Variants in CCDC39 observed in about 807,000 individuals in gnomAD.
CCDC39 encodes coiled-coil domain-containing protein 39.
Under a neutral mutation model 121.0 loss-of-function variants are expected in CCDC39, and 113 were observed. The ratio of observed to expected loss-of-function variants is 0.93; its 90% CI spans 0.80 to 1.09. The LOEUF (loss-of-function observed/expected upper bound fraction) is 1.09, where lower values mean the gene tolerates loss of function less well. Among genes scored for constraint, CCDC39 ranks in the 50% least tolerant of loss-of-function variants. The pLI is 0.00. For synonymous variants in CCDC39, 349 were observed against 352.2 expected, an observed-to-expected ratio of 0.99 and a Z score of 0.10; for missense variants, 1,063 against 1,074.7, an observed-to-expected ratio of 0.99 and a Z score of 0.15.
chr3:180,659,883 TAA>T, intron 4 of CCDC39, 114 bp from the exon 5 acceptor site: 1 of 588,796 alleles, frequency 1.7e-6, no homozygotes, highest in Non-Finnish European at 2.7e-6. Flanking sequence ...ATTTTATATC[TAA>T]AACTGTGAAA....
At chr3:180,616,765 G>C in intron 17 of CCDC39, 61 bp downstream of exon 17, 1 of 1,577,128 alleles carries the variant, frequency 6.3e-7, no homozygotes, top group Non-Finnish European at 8.7e-7. Flanking sequence ...AATAGATGAA[G>C]GAGGATTTGG....
Position 180,661,921 on chromosome 3 carries a change from A to G in CCDC39, c.297T>C (p.Asp99=), listed in dbSNP as rs763798585. ...IAQRELGRVK[D]EIQRLENEMA... The stretch of plus-strand genomic sequence containing the variant: ...TCTCATTTTCCAGCCGTTGAATTTC[A>G]TCTTTCACTCGTCCCAATTCTCTTT... Residue 99 remains aspartate (D), a synonymous_variant, in exon 3 of 20, where the codon GAT becomes GAC. Coordinates refer to ENST00000476379, the MANE Select transcript of CCDC39 (RefSeq NM_181426.2). The G allele has an allele frequency of 1.6e-5, 26 of 1,584,624 alleles. No homozygotes were observed. The African/African-American group carries it at 3.1e-4, about 19-fold the overall frequency.
chr3:180,649,437 C>G (rs1718146707), intron 9 of CCDC39, among the ~76,000 whole-genome samples: 1 of 152,200 alleles, frequency 6.6e-6, no homozygotes, highest in African/African-American at 2.4e-5. Flanking sequence ...TAGCAACCAA[C>G]AAACCTGAAT....
chr3:180,621,068 A>T (rs1052999464), intron 14 of CCDC39, among the ~76,000 whole-genome samples: 8 of 152,022 alleles, frequency 5.3e-5, no homozygotes, highest in African/African-American at 1.9e-4. Flanking sequence ...GCCTCCAGTT[A>T]TATCTTGTTG....
chr3:180,677,111 G>A (rs1239130990), intron 1 of CCDC39, among the ~76,000 whole-genome samples: 1 of 134,758 alleles, frequency 7.4e-6, no homozygotes, highest in Non-Finnish European at 1.6e-5. Flanking sequence ...AAACCTGCAC[G>A]TTGTGCACAT....
At chr3:180,649,876 C>T (rs915253237) in intron 9 of CCDC39, among the ~76,000 whole-genome samples, 3 of 152,146 alleles carry the variant, frequency 2.0e-5, no homozygotes, top group Non-Finnish European at 2.9e-5. Flanking sequence ...TCATCTGTTA[C>T]AGGGAATTAT....
intron 1 of CCDC39, among the ~76,000 whole-genome samples, chr3:180,665,918 G>A (rs1392773073): frequency 1.3e-5 from 2 of 151,922 alleles, no homozygotes; most frequent in African/African-American, 2.4e-5. Context: ...CCTACAAAAT[G>A]TTTGTTTGTA....
intron 10 of CCDC39, 137 bp downstream of exon 10, chr3:180,648,028 A>G (rs1215111382): frequency 3.0e-6 from 2 of 667,924 alleles, no homozygotes; most frequent in Non-Finnish European, 5.0e-6. Flanking sequence ...CTGATCTAAC[A>G]TGATGTCTCA....
At chr3:180,631,351 A>G (rs1444200018) in intron 14 of CCDC39, 118 bp downstream of exon 14, 4 of 953,896 alleles carry the variant, frequency 4.2e-6, no homozygotes, top group African/African-American at 1.6e-5. Context: ...TAGTTGCTAG[A>G]TTTCATGGAG....
intron 11 of CCDC39, among the ~76,000 whole-genome samples, chr3:180,644,957 G>A (rs536673163): frequency 3.3e-5 from 5 of 152,194 alleles, no homozygotes; most frequent in Admixed American, 6.5e-5. Flanking sequence ...GGAGTTCATT[G>A]TTTGATTCTA....
At chr3:180,647,039 T>A in intron 11 of CCDC39, 40 bp downstream of exon 11, 1 of 1,579,810 alleles carries the variant, frequency 6.3e-7, no homozygotes, top group South Asian at 1.2e-5. Context: ...ACAGAATGAC[T>A]AGGATATTTG....
intron 13 of CCDC39, among the ~76,000 whole-genome samples, chr3:180,634,379 A>G (rs1717777393): frequency 6.6e-6 from 1 of 152,130 alleles, no homozygotes; most frequent in Non-Finnish European, 1.5e-5. Flanking sequence ...CATGGATCAC[A>G]TAAACACCCA....
Position 180,651,551 on chromosome 3 carries a change from C to T in CCDC39, c.1035-18G>A. ...TTTGTAACCTGAAGAGGGTTTATCA[C>T]AAAAAGATAGAAAACGTGCCTAAAA... On this transcript the variant is annotated intron_variant, in intron 8 of 19. Transcript: ENST00000476379. The T allele has an allele frequency of 1.3e-6, 2 of 1,497,822 alleles. No individual in the cohort carries two copies. Among genetic ancestry groups the T allele is most frequent in the South Asian group, 2.7e-5 (2 of 74,388 alleles). 92.8% of individuals were successfully genotyped at this position (1,497,822 alleles called of 1,614,324 possible).
intron 3 of CCDC39, 111 bp downstream of exon 3, chr3:180,661,750 T>G: frequency 1.1e-6 from 1 of 913,140 alleles, no homozygotes; most frequent in Middle Eastern, 2.5e-4. Flanking sequence ...AAGTAAACAC[T>G]AGGAAACTAA....
At chr3:180,621,151 T>G (rs1717422488) in intron 14 of CCDC39, among the ~76,000 whole-genome samples, 1 of 152,154 alleles carries the variant, frequency 6.6e-6, no homozygotes, top group African/African-American at 2.4e-5. Context: ...CACATTTTCT[T>G]GATCCAGTCA....
chr3:180,652,214 A>G lies in CCDC39; in HGVS notation c.983T>C (p.Leu328Pro), dbSNP rs1338737312. ...CTTTATCTTGGAAATATTTTTCCTC[A>G]GAGCTTCTAAATCACTGGAAGTTCT... ...VNRTSSDLEA[L>P]RKNISKIKKD... is the part of the protein sequence containing the mutation. Residue 328 changes from leucine (L) to proline (P), a missense_variant, in exon 8 of 20, where the codon CTG becomes CCG. Leu to Pro is a moderately conservative substitution (Grantham distance 98). Coordinates refer to ENST00000476379, the MANE Select transcript of CCDC39 (RefSeq NM_181426.2). 2 of 1,537,418 alleles carry G rather than the reference A, an allele frequency of 1.3e-6. No individual in the cohort carries two copies. The highest frequency in any genetic ancestry group is 2.5e-5 in the East Asian group (1 of 40,400).
intron 15 of CCDC39, 62 bp downstream of exon 15, chr3:180,619,749 T>C (rs1278533533): frequency 1.0e-6 from 1 of 989,292 alleles, no homozygotes; most frequent in Non-Finnish European, 1.4e-6. Flanking sequence ...TCTCACAGTG[T>C]TCCTTTTAAC....
At chr3:180,632,116 G>A (rs1717715461) in intron 13 of CCDC39, among the ~76,000 whole-genome samples, 1 of 152,084 alleles carries the variant, frequency 6.6e-6, no homozygotes, top group Admixed American at 6.6e-5. Context: ...TTTTATAGTG[G>A]GAAATAAGCA....
In CCDC39 at chr3:180,679,478, G is replaced by A; in HGVS notation, c.-98C>T. On this transcript the variant is annotated 5_prime_UTR_variant, in exon 1 of 20. Coordinates refer to ENST00000476379, the MANE Select transcript of CCDC39 (RefSeq NM_181426.2). The surrounding 1 kb of genome is among the most constrained non-coding windows in gnomAD (Gnocchi z 4.0). ...CAAGCCCAGGCACCTGCACAGTGCC[G>A]CGGCAATTGCCGGGGGAGCCCTAGC... 8.8e-7 allele frequency: 1 copy of A among 1,138,076 alleles called. No homozygotes were observed. The highest frequency in any genetic ancestry group is 1.2e-5 in the South Asian group (1 of 81,642). The allele number at this position is 1,138,076 out of a possible 1,614,324, so 70.5% of individuals were successfully genotyped here.
Sources: gnomAD v4.1 joint callset for allele counts (sites outside exome capture counted in the v4.1 genomes callset) on GRCh38, gnomAD v4.1.1 for gene constraint, Gnocchi (gnomAD v3.1) non-coding constraint, MANE v1.5 for transcripts, NCBI Gene and HGNC (gene_info 2026-07-23, HGNC 2026-07-21) for gene names.